Variants in PRKN observed in about 807,000 individuals in gnomAD.
PRKN encodes parkin RBR E3 ubiquitin protein ligase.
A neutral mutation model predicts 59.5 loss-of-function variants in PRKN; 56 were observed. The observed-to-expected ratio is 0.94, with a 90% CI of 0.76 to 1.18. The LOEUF is 1.18. Among genes scored for constraint, PRKN ranks in the 50% most tolerant of loss-of-function variants. The pLI, the probability that PRKN is intolerant of heterozygous loss-of-function variation, is 0.00. For missense variants in PRKN, 657 were observed against 596.4 expected (o/e 1.10, Z -1.06); for synonymous variants, 250 against 222.1 (o/e 1.13, Z -1.12).
chr6:162,563,226 C>G (rs2803065), intron 1 of PRKN, among the ~76,000 whole-genome samples: 1 of 151,852 alleles, frequency 6.6e-6, no homozygotes, highest in Non-Finnish European at 1.5e-5. Context: ...ATGGCGTGAA[C>G]CCAGGAGGCG....
intron 7 of PRKN, among the ~76,000 whole-genome samples, chr6:161,685,204 T>C (rs935742559): frequency 2.6e-5 from 4 of 152,324 alleles, no homozygotes; most frequent in Non-Finnish European, 5.9e-5. Context: ...CTTCATCTGT[T>C]AGTCTGCCCT....
chr6:161,372,340 A>G lies in PRKN; in HGVS notation c.1168-12135T>C, dbSNP rs1369530474. Among the ~76,000 whole-genome samples the G allele has an allele frequency of 6.6e-6, 1 of 152,202 alleles. No individual in the cohort carries two copies. Among genetic ancestry groups the G allele is most frequent in the Non-Finnish European group, 1.5e-5 (1 of 68,032 alleles). On this transcript the variant is annotated intron_variant, in intron 10 of 11. Coordinates refer to ENST00000366898, the MANE Select transcript of PRKN (RefSeq NM_004562.3). The surrounding 1 kb of genome is among the most constrained non-coding windows in gnomAD (Gnocchi z 4.2). ...AATTATCCACATAGATGGGATTCTG[A>G]ATGCGGAATCATCACTAATAGGATG...
At chr6:162,064,729 T>G (rs1385015812) in intron 4 of PRKN, among the ~76,000 whole-genome samples, 1 of 152,186 alleles carries the variant, frequency 6.6e-6, no homozygotes, top group Non-Finnish European at 1.5e-5. Context: ...AACTGAAAAA[T>G]CTGTATTTTC....
At chr6:161,522,798 G>A (rs1263678886) in intron 9 of PRKN, among the ~76,000 whole-genome samples, 1 of 152,204 alleles carries the variant, frequency 6.6e-6, no homozygotes, top group African/African-American at 2.4e-5. Context: ...CGGAGGTCCT[G>A]TGTAGGGTAC....
rs2114961559 is a variant in PRKN, at chr6:161,393,669, T to C, written c.1084-6792A>G. On this transcript the variant is annotated intron_variant, in intron 9 of 11. Coordinates refer to ENST00000366898, the MANE Select transcript of PRKN (RefSeq NM_004562.3). This position sits in a 1 kb window ranked among gnomAD's most constrained non-coding sequence, Gnocchi z 4.7. ...TTCTAATGCAATCGGAATATTCCAG[T>C]GGCTGCTGATCAATCAGGTTGAGAG... Among the ~76,000 whole-genome samples the C allele has an allele frequency of 6.6e-6, 1 of 152,256 alleles. No homozygotes were observed. Among genetic ancestry groups the C allele is most frequent in the Admixed American group, 6.5e-5 (1 of 15,298 alleles).
intron 1 of PRKN, among the ~76,000 whole-genome samples, chr6:162,679,192 C>G (rs922393429): frequency 6.6e-6 from 1 of 150,804 alleles, no homozygotes; most frequent in African/African-American, 2.4e-5. Context: ...CTCCACCTCC[C>G]GGGTTCAAGT....
chr6:161,512,699 C>T (rs567167779), intron 9 of PRKN, among the ~76,000 whole-genome samples: 2 of 152,274 alleles, frequency 1.3e-5, no homozygotes, highest in South Asian at 2.1e-4. Flanking sequence ...TTGTTCTACA[C>T]GAGGAGAAAA....
intron 6 of PRKN, among the ~76,000 whole-genome samples, chr6:161,875,810 T>A (rs73603177): frequency 0.026 from 3,914 of 152,098 alleles, 177 homozygotes; most frequent in African/African-American, 0.09. Flanking sequence ...AGACACAGGA[T>A]CTTGACCTCG....
chr6:162,359,079 A>AAAAAAAAAATATATATATATATATAT (rs57265104), intron 2 of PRKN, among the ~76,000 whole-genome samples: 2 of 83,246 alleles, frequency 2.4e-5, no homozygotes, highest in African/African-American at 1.5e-4. Flanking sequence ...AAAAAAAAAA[A>AAAAAAAAAATATATATATATATATAT]ATATATATAT....
At chr6:161,726,922 C>T (rs953580134) in intron 7 of PRKN, among the ~76,000 whole-genome samples, 2 of 152,158 alleles carry the variant, frequency 1.3e-5, no homozygotes, top group Non-Finnish European at 2.9e-5. Context: ...AATAGTGATA[C>T]TGGCCAGTCA....
At chr6:162,433,880 T>G (rs1789651460) in intron 2 of PRKN, among the ~76,000 whole-genome samples, 1 of 152,166 alleles carries the variant, frequency 6.6e-6, no homozygotes, top group Admixed American at 6.5e-5. Flanking sequence ...TGTGATGTAC[T>G]CAAAACACAA....
chr6:161,977,542 G>GTTTTTTTTTTTTT (rs1554256833), intron 5 of PRKN, among the ~76,000 whole-genome samples: 2 of 104,522 alleles, frequency 1.9e-5, no homozygotes, highest in African/African-American at 7.4e-5. Context: ...TGTTTTTTTG[G>GTTTTTTTTTTTTT]TTTTTTTTTT....
At chr6:162,282,272 C>A (rs981136333) in intron 2 of PRKN, among the ~76,000 whole-genome samples, 1 of 152,162 alleles carries the variant, frequency 6.6e-6, no homozygotes, top group Admixed American at 6.5e-5. Context: ...CAACAAAGAT[C>A]CTGTCCATAT....
chr6:161,939,904 CT>C (rs894504945), intron 6 of PRKN, among the ~76,000 whole-genome samples: 59 of 145,798 alleles, frequency 4.0e-4, no homozygotes, highest in East Asian at 1.4e-3. Flanking sequence ...GAGTTATTCT[CT>C]TTTTTTTTTT....
At chr6:162,404,842 G>C (rs991575006) in intron 2 of PRKN, among the ~76,000 whole-genome samples, 1 of 152,156 alleles carries the variant, frequency 6.6e-6, no homozygotes, top group African/African-American at 2.4e-5. Flanking sequence ...GTGAGCTACT[G>C]CGACCGGCCA....
rs993928796 is a variant in PRKN, at chr6:161,357,897, T to C, written c.1285+2191A>G. Among the ~76,000 whole-genome samples, 5 of 152,194 alleles carry C rather than the reference T, an allele frequency of 3.3e-5. No individual in the cohort carries two copies. The highest frequency in any genetic ancestry group is 2.0e-4 in the Admixed American group (3 of 15,282). On this transcript the variant is annotated intron_variant, in intron 11 of 11. Coordinates refer to ENST00000366898, the MANE Select transcript of PRKN (RefSeq NM_004562.3). The surrounding 1 kb of genome is among the most constrained non-coding windows in gnomAD (Gnocchi z 5.5). The stretch of plus-strand genomic sequence containing the variant: ...CTGCCCATGCTGTGAGGAAGTCCCA[T>C]TGAAACCCATCTTATGAACGAGCAA...
rs529404781 is a variant in PRKN at position 161,676,198 on chromosome 6, T to A, written c.872-106782A>T. On this transcript the variant is annotated intron_variant, in intron 7 of 11. Transcript: ENST00000366898. ...GAGAGATGCTGGCCTGGGTTCGTAC[T>A]TGGCCACCCAAGAGAAGTAGGATGT... Among the ~76,000 whole-genome samples the A allele has an allele frequency of 2.2e-4, 34 of 152,352 alleles. 2 individuals carry two copies. In the South Asian group the frequency reaches 6.6e-3, roughly 30 times the overall value.
chr6:161,746,749 A>ATAT (rs1788442548), intron 7 of PRKN, among the ~76,000 whole-genome samples: 9 of 139,754 alleles, frequency 6.4e-5, no homozygotes, highest in Non-Finnish European at 1.0e-4. Context: ...CTAGATATGC[A>ATAT]CATATATATC....
chr6:161,894,458 A>G (rs936738671), intron 6 of PRKN, among the ~76,000 whole-genome samples: 2 of 152,188 alleles, frequency 1.3e-5, no homozygotes, highest in Non-Finnish European at 2.9e-5. Flanking sequence ...AACTACAACC[A>G]AACTCATCAG....
Sources: allele counts gnomAD v4.1 joint callset (sites outside exome capture counted in the v4.1 genomes callset), GRCh38; gene constraint gnomAD v4.1.1; non-coding constraint Gnocchi (gnomAD v3.1); transcripts MANE v1.5; gene names NCBI Gene and HGNC (gene_info 2026-07-23, HGNC 2026-07-21).